MAP3K9: variants seen among roughly 807,000 people sequenced by gnomAD.
MAP3K9 encodes the protein mixed lineage kinase 1 (tyr and ser/thr specificity).
Under a neutral mutation model 95.8 loss-of-function variants are expected in MAP3K9, and 46 were observed. The observed-to-expected ratio is 0.48, with a 90% CI of 0.38 to 0.61. MAP3K9 has a LOEUF of 0.61. Among genes scored for constraint, MAP3K9 ranks in the 20% least tolerant of loss-of-function variants. The pLI is 0.00. For missense variants in MAP3K9, 1,296 were observed against 1,474.3 expected, an observed-to-expected ratio of 0.88 and a Z score of 1.98; for synonymous variants, 533 against 593.8, an observed-to-expected ratio of 0.90 and a Z score of 1.49.
Position 70,787,947 on chromosome 14 carries a change from C to T in MAP3K9, c.820+12720G>A, listed in dbSNP as rs111611186. Reference sequence around the variant, plus strand: ...CAGAGATGGGGGGAGCAAGGGAAGACGAAGGGATGAAAAACAGCAACACCT... The same window carrying T: ...CAGAGATGGGGGGAGCAAGGGAAGATGAAGGGATGAAAAACAGCAACACCT... On this transcript the variant is annotated intron_variant, in intron 2 of 11. Transcript: ENST00000554752. Among the ~76,000 whole-genome samples, 311 of 152,092 alleles carry T rather than the reference C, an allele frequency of 2.0e-3. 1 individual carries two copies. Among genetic ancestry groups the T allele is most frequent in the African/African-American group, 6.1e-3 (255 of 41,470 alleles).
chr14:70,794,022 G>A (rs1481805153), intron 2 of MAP3K9, among the ~76,000 whole-genome samples: 6 of 152,162 alleles, frequency 3.9e-5, no homozygotes, highest in Non-Finnish European at 8.8e-5. Context: ...ACTTAGCACT[G>A]ACTACAGCAA....
In MAP3K9 at chr14:70,722,778, C is replaced by T. The variant is rs1348468475; in HGVS notation, c.*7602G>A. Reference sequence around the variant, plus strand: ...ACATACAATAACTTAAATCCCAAAGCAAAGTGGGAATTCAAGGACACGGGG... The same window carrying T: ...ACATACAATAACTTAAATCCCAAAGTAAAGTGGGAATTCAAGGACACGGGG... On this transcript the variant is annotated 3_prime_UTR_variant, in exon 12 of 12. Transcript: ENST00000554752. 6.6e-6 allele frequency: 1 copy of T among 151,900 alleles called. No individual in the cohort carries two copies. The highest frequency in any genetic ancestry group is 6.6e-5 in the Admixed American group (1 of 15,262). The allele number at this position is 151,900 out of a possible 1,614,324, so 9.4% of individuals were successfully genotyped here.
chr14:70,797,503 T>G (rs2054877565), intron 2 of MAP3K9, among the ~76,000 whole-genome samples: 1 of 152,054 alleles, frequency 6.6e-6, no homozygotes, highest in Non-Finnish European at 1.5e-5. Context: ...TTTGAGAGAC[T>G]GAGGCAGGTG....
At chr14:70,790,294 C>T (rs1288309426) in intron 2 of MAP3K9, among the ~76,000 whole-genome samples, 1 of 152,252 alleles carries the variant, frequency 6.6e-6, no homozygotes, top group Non-Finnish European at 1.5e-5. Context: ...AGTGGGGAAC[C>T]TGAGCACATA....
intron 8 of MAP3K9, among the ~76,000 whole-genome samples, chr14:70,737,390 G>A (rs545310265): frequency 1.3e-5 from 2 of 152,336 alleles, no homozygotes; most frequent in African/African-American, 4.8e-5. Flanking sequence ...GGTGGTGCCA[G>A]GGTTCATGCC....
At chr14:70,802,076 G>A (rs1483720158) in intron 1 of MAP3K9, among the ~76,000 whole-genome samples, 1 of 152,204 alleles carries the variant, frequency 6.6e-6, no homozygotes, top group Non-Finnish European at 1.5e-5. Context: ...TGTTAGACCT[G>A]TAATTTAGAA....
chr14:70,792,568 C>G (rs2054818059), intron 2 of MAP3K9, among the ~76,000 whole-genome samples: 1 of 152,204 alleles, frequency 6.6e-6, no homozygotes, highest in African/African-American at 2.4e-5. Flanking sequence ...TAGGAAAAAA[C>G]TGCTTTTACA....
intron 1 of MAP3K9, among the ~76,000 whole-genome samples, chr14:70,807,368 T>C (rs2055001276): frequency 6.6e-6 from 1 of 152,122 alleles, no homozygotes; most frequent in Non-Finnish European, 1.5e-5. Context: ...CGGGCGCCTG[T>C]AATCCCAGCT....
chr14:70,783,478 C>G, intron 2 of MAP3K9: 1 of 861,920 alleles, frequency 1.2e-6, no homozygotes, highest in Non-Finnish European at 1.4e-6. Flanking sequence ...TGTCCCCTCC[C>G]CTTTCCTCCC....
chr14:70,755,294 A>C (rs993005486), intron 3 of MAP3K9, among the ~76,000 whole-genome samples: 1 of 152,226 alleles, frequency 6.6e-6, no homozygotes, highest in African/African-American at 2.4e-5. Flanking sequence ...GCTGGGCCCT[A>C]GGCACGCACG....
chr14:70,781,564 G>C (rs1251664880), intron 2 of MAP3K9, among the ~76,000 whole-genome samples: 1 of 152,232 alleles, frequency 6.6e-6, no homozygotes, highest in Admixed American at 6.5e-5. Context: ...GTGATACACT[G>C]TGAGTCTAGT....
At chr14:70,798,335 G>A (rs1033712930) in intron 2 of MAP3K9, among the ~76,000 whole-genome samples, 2 of 151,952 alleles carry the variant, frequency 1.3e-5, no homozygotes, top group African/African-American at 2.4e-5. Flanking sequence ...TAACTTTACA[G>A]TACTTTGCCT....
At chr14:70,788,769 T>G (rs2054775282) in intron 2 of MAP3K9, among the ~76,000 whole-genome samples, 1 of 152,136 alleles carries the variant, frequency 6.6e-6, no homozygotes. Context: ...ACAACCAGAT[T>G]TAGAGAGTAG....
At chr14:70,736,438 A>T (rs1481367706) in intron 8 of MAP3K9, among the ~76,000 whole-genome samples, 1 of 152,206 alleles carries the variant, frequency 6.6e-6, no homozygotes, top group African/African-American at 2.4e-5. Flanking sequence ...ATAATATCAC[A>T]TAGAAGTTCT....
At chr14:70,793,185 C>A (rs1397703998) in intron 2 of MAP3K9, among the ~76,000 whole-genome samples, 3 of 152,212 alleles carry the variant, frequency 2.0e-5, no homozygotes, top group Non-Finnish European at 4.4e-5. Flanking sequence ...CTCCTAGCAG[C>A]CGGCAACTGG....
At chr14:70,770,403 C>T (rs886100871) in intron 2 of MAP3K9, among the ~76,000 whole-genome samples, 1 of 151,824 alleles carries the variant, frequency 6.6e-6, no homozygotes, top group Non-Finnish European at 1.5e-5. Context: ...AGGCTGGTCT[C>T]GAACTCCTGA....
At chr14:70,793,081 C>T (rs2139846001) in intron 2 of MAP3K9, among the ~76,000 whole-genome samples, 1 of 152,332 alleles carries the variant, frequency 6.6e-6, no homozygotes, top group South Asian at 2.1e-4. Flanking sequence ...GCGTGACAGG[C>T]AGTCCCCAAG....
intron 2 of MAP3K9, among the ~76,000 whole-genome samples, chr14:70,775,098 A>T (rs1419228556): frequency 6.6e-6 from 1 of 151,284 alleles, no homozygotes; most frequent in African/African-American, 2.4e-5. Flanking sequence ...GTTTTTCTTC[A>T]CTTTCATCAT....
Position 70,726,090 on chromosome 14 carries a change from G to A in MAP3K9, c.*4290C>T, listed in dbSNP as rs903129648. The A allele has an allele frequency of 1.3e-5, 2 of 152,278 alleles. No individual in the cohort carries two copies. The highest frequency in any genetic ancestry group is 4.8e-5 in the African/African-American group (2 of 41,458). 9.4% of individuals were successfully genotyped at this position (152,278 alleles called of 1,614,324 possible). On this transcript the variant is annotated 3_prime_UTR_variant, in exon 12 of 12. Transcript: ENST00000554752. ...CTGCCAACACGGTTTCAACCCCAAGGTGTACCATTCACAGCCATCCAGTCT... is the reference window on the plus strand; with the variant it reads ...CTGCCAACACGGTTTCAACCCCAAGATGTACCATTCACAGCCATCCAGTCT...
Sources: allele counts gnomAD v4.1 joint callset (sites outside exome capture counted in the v4.1 genomes callset), GRCh38; gene constraint gnomAD v4.1.1; transcripts MANE v1.5; gene names NCBI Gene and HGNC (gene_info 2026-07-23, HGNC 2026-07-21).